The following RND3 variants were observed in gnomAD, a reference collection of about 807,000 sequenced individuals.
RND3 encodes Rho family GTPase 3.
A neutral mutation model predicts 26.5 loss-of-function variants in RND3; 8 were observed. That is an observed-to-expected ratio of 0.30 (90% CI 0.18 to 0.54). RND3 has a LOEUF of 0.54. RND3 is among the 20% of genes least tolerant of loss of function. The pLI, the probability that RND3 is intolerant of heterozygous loss-of-function variation, is 0.94. For synonymous variants in RND3, 113 were observed against 113.0 expected (o/e 1.00, Z 0.00); for missense variants, 207 against 302.8 (o/e 0.68, Z 2.35).
At chr2:150,482,734 G>A (rs549779579) in intron 3 of RND3, among the ~76,000 whole-genome samples, 1 of 138,110 alleles carries the variant, frequency 7.2e-6, no homozygotes, top group Non-Finnish European at 1.6e-5. Context: ...GGGGTGGGGG[G>A]GGCGGTGCGG....
At chr2:150,477,282 A>G (rs1020325891) in intron 3 of RND3, among the ~76,000 whole-genome samples, 2 of 152,182 alleles carry the variant, frequency 1.3e-5, no homozygotes, top group Non-Finnish European at 2.9e-5. Context: ...AGCTCCTTTC[A>G]GGATACGATT....
chr2:150,471,383 C>A (rs1686086225), intron 5 of RND3, among the ~76,000 whole-genome samples: 1 of 152,200 alleles, frequency 6.6e-6, no homozygotes, highest in Non-Finnish European at 1.5e-5. Flanking sequence ...CACATTCTCT[C>A]TTAAACCTAT....
intron 3 of RND3, among the ~76,000 whole-genome samples, chr2:150,484,453 G>T (rs1476401991): frequency 6.6e-6 from 1 of 152,182 alleles, no homozygotes; most frequent in Non-Finnish European, 1.5e-5. Context: ...TGAAGCTTGA[G>T]ATAGGAAATG....
rs1686028041 is a variant in RND3, at chr2:150,468,527, C to G, written c.*1460G>C. Reference sequence around the variant, plus strand: ...GACAAAGTGCTTGTAAGACATAGAACTGAGTGTTGTAATTACCTTAATCTC... The same window carrying G: ...GACAAAGTGCTTGTAAGACATAGAAGTGAGTGTTGTAATTACCTTAATCTC... On this transcript the variant is annotated 3_prime_UTR_variant, in exon 6 of 6. Transcript: ENST00000263895. 3 of 152,594 alleles carry G rather than the reference C, an allele frequency of 2.0e-5. No homozygotes were observed. Among genetic ancestry groups the G allele is most frequent in the Admixed American group, 6.5e-5 (1 of 15,272 alleles). The allele number at this position is 152,594 out of a possible 1,614,324, so 9.5% of individuals were successfully genotyped here.
Position 150,469,592 on chromosome 2 carries a change from T to C in RND3, c.*395A>G, listed in dbSNP as rs1282098843. On this transcript the variant is annotated 3_prime_UTR_variant, in exon 6 of 6. Coordinates refer to ENST00000263895, the MANE Select transcript of RND3 (RefSeq NM_005168.5). ...TAACGTATACTTTTTGTAAAGGAGA[T>C]TAAAACATTTAAAAATTAAATCAAA... 3 of 169,424 alleles carry C rather than the reference T, an allele frequency of 1.8e-5. No individual in the cohort carries two copies. Among genetic ancestry groups the C allele is most frequent in the Non-Finnish European group, 3.8e-5 (3 of 79,822 alleles). 10.5% of individuals were successfully genotyped at this position (169,424 alleles called of 1,614,324 possible). A position where few individuals can be genotyped will look rare whatever the true frequency, so the allele number is the denominator to read the frequency against.
Position 150,487,474 on chromosome 2 carries a change from A to AAAAAAAAAAATATATATATATAT in RND3, c.-38-20_-38-19insATATATATATATATTTTTTTTTT. 1 of 196,044 alleles carries AAAAAAAAAAATATATATATATAT rather than the reference A, an allele frequency of 5.1e-6. No individual in the cohort carries two copies. Among genetic ancestry groups the AAAAAAAAAAATATATATATATAT allele is most frequent in the Non-Finnish European group, 9.0e-6 (1 of 111,040 alleles). 12.1% of individuals were successfully genotyped at this position (196,044 alleles called of 1,614,324 possible). A position where few individuals can be genotyped will look rare whatever the true frequency, so the allele number is the denominator to read the frequency against. On this transcript the variant is annotated intron_variant, in intron 1 of 5. Transcript: ENST00000263895. ...ATTTTCTCTTAAGAAGAAAAAAAAA[A>AAAAAAAAAAATATATATATATAT]ATATATATATATATATATATTTCTC...
At chr2:150,481,743 GGA>G (rs960515942) in intron 3 of RND3, among the ~76,000 whole-genome samples, 3 of 151,874 alleles carry the variant, frequency 2.0e-5, no homozygotes, top group African/African-American at 4.8e-5. Context: ...AAGGGGAGGG[GGA>G]GAGAGAGAGC....
chr2:150,468,238 A>AAT lies in RND3; in HGVS notation c.*1748_*1749insAT, dbSNP rs1686022438. ...TACTTTTTTATTTGAAGAAAAAAAAAGTATGTTTTAATAAATACTGCGGAA... is the reference window on the plus strand; with the variant it reads ...TACTTTTTTATTTGAAGAAAAAAAAAATGTATGTTTTAATAAATACTGCGGAA... On this transcript the variant is annotated 3_prime_UTR_variant, in exon 6 of 6. Transcript: ENST00000263895. The AAT allele has an allele frequency of 6.6e-6, 1 of 152,324 alleles. No homozygotes were observed. The highest frequency in any genetic ancestry group is 1.9e-4 in the East Asian group (1 of 5,166). The allele number at this position is 152,324 out of a possible 1,614,324, so 9.4% of individuals were successfully genotyped here. A position where few individuals can be genotyped will look rare whatever the true frequency, so the allele number is the denominator to read the frequency against.
At position 150,469,788 on chromosome 2, in the gene RND3, C is replaced by T. The variant is rs1238039185; in HGVS notation, c.*199G>A. 1.8e-6 allele frequency: 1 copy of T among 570,374 alleles called. No homozygotes were observed. Among genetic ancestry groups the T allele is most frequent in the Non-Finnish European group, 3.1e-6 (1 of 327,226 alleles). The allele number at this position is 570,374 out of a possible 1,614,324, so 35.3% of individuals were successfully genotyped here. Reference sequence around the variant, plus strand: ...TTTCAAGTCACACTTAAAAACTCTTCCATGTATTCACTTCTCATCACTTGG... The same window carrying T: ...TTTCAAGTCACACTTAAAAACTCTTTCATGTATTCACTTCTCATCACTTGG... On this transcript the variant is annotated 3_prime_UTR_variant, in exon 6 of 6. Transcript: ENST00000263895.
chr2:150,482,511 C>T (rs1400320357), intron 3 of RND3, among the ~76,000 whole-genome samples: 1 of 152,086 alleles, frequency 6.6e-6, no homozygotes, highest in Non-Finnish European at 1.5e-5. Context: ...AGCATTTCTG[C>T]AACTATTAAG....
intron 3 of RND3, among the ~76,000 whole-genome samples, chr2:150,477,312 C>T (rs960383105): frequency 6.6e-6 from 1 of 152,182 alleles, no homozygotes; most frequent in Non-Finnish European, 1.5e-5. Context: ...TTAGAGTACT[C>T]ACTGCTAATT....
intron 4 of RND3, among the ~76,000 whole-genome samples, chr2:150,472,142 T>C (rs1686096911): frequency 2.0e-5 from 3 of 152,208 alleles, no homozygotes; most frequent in Admixed American, 6.5e-5. Context: ...CATCCTTCGA[T>C]GTGTGGATCT....
intron 5 of RND3, among the ~76,000 whole-genome samples, chr2:150,471,308 C>T (rs1030688057): frequency 6.6e-6 from 1 of 152,104 alleles, no homozygotes; most frequent in African/African-American, 2.4e-5. Flanking sequence ...TGGCAACAGC[C>T]TTATTATTGT....
chr2:150,481,364 T>C (rs1440850287), intron 3 of RND3, among the ~76,000 whole-genome samples: 1 of 152,202 alleles, frequency 6.6e-6, no homozygotes, highest in Non-Finnish European at 1.5e-5. Flanking sequence ...GTCCTGTGGG[T>C]ATTCAAAGAA....
chr2:150,487,474 A>AAAATATATATATATAT lies in RND3; in HGVS notation c.-38-20_-38-19insATATATATATATATTT. The AAAATATATATATATAT allele has an allele frequency of 6.5e-4, 131 of 200,774 alleles. No homozygotes were observed. The highest frequency in any genetic ancestry group is 8.0e-4 in the Admixed American group (11 of 13,822). 12.4% of individuals were successfully genotyped at this position (200,774 alleles called of 1,614,324 possible). ...ATTTTCTCTTAAGAAGAAAAAAAAAAATATATATATATATATATATTTCTC... is the reference window on the plus strand; with the variant it reads ...ATTTTCTCTTAAGAAGAAAAAAAAAAAAATATATATATATATATATATATATATATATATATTTCTC... On this transcript the variant is annotated intron_variant, in intron 1 of 5. Coordinates refer to ENST00000263895, the MANE Select transcript of RND3 (RefSeq NM_005168.5).
chr2:150,482,723 G>T, intron 3 of RND3, among the ~76,000 whole-genome samples: 1 of 145,712 alleles, frequency 6.9e-6, no homozygotes, highest in Non-Finnish European at 1.5e-5. Context: ...TGCAATGGGC[G>T]GGGGTGGGGG....
chr2:150,487,487 A>G, intron 1 of RND3, 32 bp from the exon 2 acceptor site: 1 of 360,906 alleles, frequency 2.8e-6, no homozygotes, highest in Non-Finnish European at 4.2e-6. Context: ...ATATATATAT[A>G]TATATATTTC....
At chr2:150,487,086 T>G in intron 2 of RND3, 182 bp downstream of exon 2, 1 of 618,294 alleles carries the variant, frequency 1.6e-6, no homozygotes, top group Non-Finnish European at 2.7e-6. Context: ...CCCTAAAAGC[T>G]TCCAGCGCAC....
chr2:150,469,953 G>C lies in RND3; in HGVS notation c.*34C>G, dbSNP rs758521185. ...TTGTTTGCTGTTGTTTTTTACACTA[G>C]ATTCCTTTGTCTTCATTAAAGATAA... On this transcript the variant is annotated 3_prime_UTR_variant, in exon 6 of 6. Coordinates refer to ENST00000263895, the MANE Select transcript of RND3 (RefSeq NM_005168.5). 1.2e-6 allele frequency: 2 copies of C among 1,606,388 alleles called. No individual in the cohort carries two copies. Among genetic ancestry groups the C allele is most frequent in the African/African-American group, 1.3e-5 (1 of 74,518 alleles).
Sources: gnomAD v4.1 joint callset for allele counts (sites outside exome capture counted in the v4.1 genomes callset) on GRCh38, gnomAD v4.1.1 for gene constraint, MANE v1.5 for transcripts, NCBI Gene and HGNC (gene_info 2026-07-23, HGNC 2026-07-21) for gene names.